The following TMPRSS15 variants were observed in gnomAD, a reference collection of about 807,000 sequenced individuals.
The protein encoded by TMPRSS15 is enteropeptidase.
TMPRSS15 carries 128 observed loss-of-function variants against 125.3 expected under a neutral mutation model. The ratio of observed to expected loss-of-function variants is 1.02; its 90% CI spans 0.89 to 1.18. The LOEUF (loss-of-function observed/expected upper bound fraction) is 1.18. Ranked by LOEUF, TMPRSS15 falls within the 50% of genes most tolerant of loss-of-function variation. The probability of loss-of-function intolerance (pLI) is 0.00; values close to 1 mark genes in which losing one functional copy is unlikely to be tolerated. For synonymous variants in TMPRSS15, 446 were observed against 423.2 expected, an observed-to-expected ratio of 1.05 and a Z score of -0.66; for missense variants, 1,283 against 1,212.7, an observed-to-expected ratio of 1.06 and a Z score of -0.86.
At chr21:18,336,142 G>A (rs1273238414) in intron 13 of TMPRSS15, among the ~76,000 whole-genome samples, 1 of 152,090 alleles carries the variant, frequency 6.6e-6, no homozygotes, top group African/African-American at 2.4e-5. Flanking sequence ...TGAAATGTGT[G>A]TTAATGCAGA....
chr21:18,415,104 G>T (rs1348275540), intron 1 of TMPRSS15, among the ~76,000 whole-genome samples: 1 of 151,982 alleles, frequency 6.6e-6, no homozygotes. Flanking sequence ...TTTCCCTGAT[G>T]ATTAGACATT....
At chr21:18,447,680 G>A (rs745794530) in intron 1 of TMPRSS15, among the ~76,000 whole-genome samples, 1 of 151,882 alleles carries the variant, frequency 6.6e-6, no homozygotes, top group Non-Finnish European at 1.5e-5. Context: ...GTTTTATAGG[G>A]GCTTTTTCCC....
chr21:18,274,671 C>T (rs985721433), intron 24 of TMPRSS15, among the ~76,000 whole-genome samples: 11 of 152,100 alleles, frequency 7.2e-5, no homozygotes, highest in African/African-American at 2.7e-4. Flanking sequence ...ATTTACTTCC[C>T]CTTTGGTTAG....
At chr21:18,371,232 C>T (rs1314753061) in intron 6 of TMPRSS15, among the ~76,000 whole-genome samples, 1 of 152,134 alleles carries the variant, frequency 6.6e-6, no homozygotes, top group Admixed American at 6.5e-5. Flanking sequence ...TATAACAATA[C>T]TCAGAATGAT....
At chr21:18,442,560 T>C (rs2076244715) in intron 1 of TMPRSS15, among the ~76,000 whole-genome samples, 1 of 152,206 alleles carries the variant, frequency 6.6e-6, no homozygotes, top group Non-Finnish European at 1.5e-5. Context: ...TAGATGTTCT[T>C]AGGAGAAAAA....
intron 1 of TMPRSS15, among the ~76,000 whole-genome samples, chr21:18,473,477 C>T (rs987177428): frequency 2.0e-5 from 3 of 152,026 alleles, no homozygotes; most frequent in African/African-American, 7.2e-5. Context: ...GAACAGGCAA[C>T]AGGTCCAACT....
intron 1 of TMPRSS15, among the ~76,000 whole-genome samples, chr21:18,482,957 C>T (rs182436164): frequency 6.6e-6 from 1 of 151,854 alleles, no homozygotes; most frequent in East Asian, 1.9e-4. Flanking sequence ...CTCTTTGTCT[C>T]TTTGCTTCCA....
In TMPRSS15 at chr21:18,338,340, T is replaced by C. The variant is rs141489704; in HGVS notation, c.1564+3073A>G. ...TAGGGGAACAAACTAGCAAAAAGAATTATCAAGAAAATCTATCATGTTAAA... is the reference window on the plus strand; with the variant it reads ...TAGGGGAACAAACTAGCAAAAAGAACTATCAAGAAAATCTATCATGTTAAA... On this transcript the variant is annotated intron_variant, in intron 13 of 24. Coordinates refer to ENST00000284885, the MANE Select transcript of TMPRSS15 (RefSeq NM_002772.3). Among the ~76,000 whole-genome samples, 22 of 152,240 alleles carry C rather than the reference T, an allele frequency of 1.4e-4. No homozygotes were observed. The East Asian group carries it at 3.7e-3, about 25-fold the overall frequency.
intron 5 of TMPRSS15, among the ~76,000 whole-genome samples, chr21:18,373,764 T>C (rs537400198): frequency 1.5e-3 from 225 of 152,326 alleles, no homozygotes; most frequent in Middle Eastern, 6.8e-3. Flanking sequence ...ATCACATCTC[T>C]GTTCAGTATC....
intron 6 of TMPRSS15, among the ~76,000 whole-genome samples, chr21:18,371,454 G>C (rs1022878019): frequency 1.1e-4 from 17 of 152,106 alleles, no homozygotes; most frequent in African/African-American, 4.1e-4. Flanking sequence ...GTGGAATCCA[G>C]CTATGAAATG....
At chr21:18,416,790 A>G (rs149606290) in intron 1 of TMPRSS15, among the ~76,000 whole-genome samples, 239 of 152,172 alleles carry the variant, frequency 1.6e-3, no homozygotes, top group African/African-American at 5.5e-3. Context: ...TTCATTCAAG[A>G]GTACATACAT....
intron 17 of TMPRSS15, among the ~76,000 whole-genome samples, chr21:18,314,859 T>C (rs1434695974): frequency 6.6e-6 from 1 of 152,018 alleles, no homozygotes; most frequent in Non-Finnish European, 1.5e-5. Context: ...GTTTGGAATA[T>C]TGTCTCTGTG....
chr21:18,389,470 C>T (rs1442467992), intron 3 of TMPRSS15, among the ~76,000 whole-genome samples: 5 of 152,040 alleles, frequency 3.3e-5, no homozygotes, highest in Non-Finnish European at 7.4e-5. Context: ...GTACTGGCCT[C>T]CTTGGTAGTT....
chr21:18,405,454 T>G (rs1327248887), upstream of TMPRSS15, among the ~76,000 whole-genome samples: 2 of 152,116 alleles, frequency 1.3e-5, no homozygotes, highest in Non-Finnish European at 2.9e-5. Context: ...TTGAAATTTT[T>G]TGAAAAGTTA....
At chr21:18,383,484 C>A in intron 4 of TMPRSS15, 143 bp downstream of exon 4, 1 of 961,968 alleles carries the variant, frequency 1.0e-6, no homozygotes, top group Non-Finnish European at 1.5e-6. Flanking sequence ...TCAGATTTCA[C>A]TTTTCTCATG....
chr21:18,475,125 A>G (rs1344595652), intron 1 of TMPRSS15, among the ~76,000 whole-genome samples: 1 of 152,180 alleles, frequency 6.6e-6, no homozygotes, highest in East Asian at 1.9e-4. Flanking sequence ...CTGTAAATTA[A>G]TATGCAGTAA....
At chr21:18,453,401 C>T (rs1978379410) in intron 1 of TMPRSS15, among the ~76,000 whole-genome samples, 1 of 152,152 alleles carries the variant, frequency 6.6e-6, no homozygotes, top group Non-Finnish European at 1.5e-5. Context: ...TATGTGTGCA[C>T]ATGCATGCAC....
rs140889432 is a variant in TMPRSS15 at position 18,443,385 on chromosome 21, C to A, written c.10+42414G>T. ...GGGTTCAGCATGGAGCCAGGAGAAC[C>A]TCTCCAACACAGGAAACTGAATGAG... is the stretch of plus-strand genomic sequence containing the variant. On this transcript the variant is annotated intron_variant, in intron 1 of 7. Transcript: ENST00000422787. 3.9e-3 allele frequency among the ~76,000 whole-genome samples: 601 copies of A among 152,246 alleles called. 4 individuals are homozygous for A. Among genetic ancestry groups the A allele is most frequent in the Admixed American group, 0.011 (164 of 15,300 alleles).
chr21:18,336,695 T>G (rs1041885062), intron 13 of TMPRSS15, among the ~76,000 whole-genome samples: 2 of 152,218 alleles, frequency 1.3e-5, no homozygotes, highest in Non-Finnish European at 2.9e-5. Context: ...AGTCTTACTC[T>G]GTTGCCCAGA....
Sources: gnomAD v4.1 joint callset for allele counts (sites outside exome capture counted in the v4.1 genomes callset) on GRCh38, gnomAD v4.1.1 for gene constraint, MANE v1.5 for transcripts, NCBI Gene and HGNC (gene_info 2026-07-23, HGNC 2026-07-21) for gene names.